Variants in ZFHX3 observed in about 807,000 individuals in gnomAD.
The protein encoded by ZFHX3 is zinc finger homeobox 3.
In ZFHX3, 42 loss-of-function variants were observed where a neutral mutation model predicts 279.1. The observed-to-expected ratio is 0.15, with a 90% confidence interval of 0.12 to 0.19. ZFHX3 has a LOEUF of 0.19. Among genes scored for constraint, ZFHX3 ranks in the 10% least tolerant of loss-of-function variants. The probability of loss-of-function intolerance (pLI) is 1.00; values close to 1 mark genes in which losing one functional copy is unlikely to be tolerated. For synonymous variants in ZFHX3, 2,293 were observed against 1,957.8 expected (o/e 1.17, Z -4.52); for missense variants, 4,981 against 4,754.0 (o/e 1.05, Z -1.40).
intron 7 of ZFHX3, among the ~76,000 whole-genome samples, chr16:73,123,927 A>T (rs1966529157): frequency 6.6e-6 from 1 of 152,160 alleles, no homozygotes; most frequent in Non-Finnish European, 1.5e-5. Flanking sequence ...CAGTACATTG[A>T]TCTTGGACTT....
intron 3 of ZFHX3, among the ~76,000 whole-genome samples, chr16:73,426,662 GA>G (rs981730972): frequency 1.1e-3 from 161 of 150,676 alleles, no homozygotes; most frequent in African/African-American, 3.8e-3. Context: ...AGGTTTGCAG[GA>G]AAAAAAAATA....
At chr16:73,780,430 G>A (rs1335738905) in intron 1 of ZFHX3, among the ~76,000 whole-genome samples, 1 of 150,518 alleles carries the variant, frequency 6.6e-6, no homozygotes, top group Non-Finnish European at 1.5e-5. Context: ...TTATAGGCAT[G>A]AGCCACCGTG....
chr16:73,641,098 G>A (rs988194950), intron 2 of ZFHX3, among the ~76,000 whole-genome samples: 1 of 152,140 alleles, frequency 6.6e-6, no homozygotes, highest in Non-Finnish European at 1.5e-5. Context: ...CCACAGTATC[G>A]ACCTAGTTTG....
chr16:72,999,543 G>A (rs2144591598), intron 1 of ZFHX3, among the ~76,000 whole-genome samples: 1 of 152,250 alleles, frequency 6.6e-6, no homozygotes, highest in Middle Eastern at 3.4e-3. Flanking sequence ...TGTCCACAGG[G>A]CATAAACTTT....
intron 5 of ZFHX3, among the ~76,000 whole-genome samples, chr16:72,827,913 C>G (rs894045760): frequency 6.6e-6 from 1 of 152,172 alleles, no homozygotes; most frequent in African/African-American, 2.4e-5. Context: ...CTGTGTCTCC[C>G]AGGAAACACT....
intron 1 of ZFHX3, among the ~76,000 whole-genome samples, chr16:73,730,352 C>CAAAAAAAAAAAAAAAAAAAAAAAAA (rs66477968): frequency 2.5e-5 from 2 of 81,158 alleles, no homozygotes; most frequent in African/African-American, 1.0e-4. Flanking sequence ...CCTCCCCTCG[C>CAAAAAAAAAAAAAAAAAAAAAAAAA]AAAAAAAAAA....
At chr16:73,783,283 G>C (rs112717050) in intron 1 of ZFHX3, among the ~76,000 whole-genome samples, 6 of 152,184 alleles carry the variant, frequency 3.9e-5, no homozygotes, top group Non-Finnish European at 8.8e-5. Context: ...TCAGAACTCC[G>C]TATGGGATCT....
chr16:72,850,181 A>G (rs1026818522), intron 4 of ZFHX3, among the ~76,000 whole-genome samples: 2 of 152,132 alleles, frequency 1.3e-5, no homozygotes, highest in Non-Finnish European at 1.5e-5. Context: ...CACCCTGGGG[A>G]AGCCTTCCTG....
At chr16:73,492,707 A>G (rs1406810656) in intron 2 of ZFHX3, among the ~76,000 whole-genome samples, 1 of 152,224 alleles carries the variant, frequency 6.6e-6, no homozygotes, top group Non-Finnish European at 1.5e-5. Context: ...TGGTTGCTCC[A>G]TATGTTTCAC....
intron 5 of ZFHX3, among the ~76,000 whole-genome samples, chr16:73,165,850 T>C (rs773829522): frequency 6.6e-6 from 1 of 152,048 alleles, no homozygotes; most frequent in Non-Finnish European, 1.5e-5. Context: ...AACAATGACA[T>C]GGATAGTAGA....
At chr16:73,675,743 G>A (rs561079609) in intron 2 of ZFHX3, among the ~76,000 whole-genome samples, 102 of 151,960 alleles carry the variant, frequency 6.7e-4, no homozygotes, top group African/African-American at 2.3e-3. Flanking sequence ...ACCTGGATCT[G>A]GCCAAAAATT....
rs796811883 is a variant in ZFHX3 at position 73,531,113 on chromosome 16, T to C, written c.-1546-74855A>G. Among the ~76,000 whole-genome samples, 7 of 152,348 alleles carry C rather than the reference T, an allele frequency of 4.6e-5. 1 individual carries two copies. Among genetic ancestry groups the C allele is most frequent in the African/African-American group, 1.7e-4 (7 of 41,590 alleles). Reference sequence around the variant, plus strand: ...TACCAGTTGCATGGCTTTTTAGAGATTCAAGATGTCTTGCCTTTCCTAATA... The same window carrying C: ...TACCAGTTGCATGGCTTTTTAGAGACTCAAGATGTCTTGCCTTTCCTAATA... On this transcript the variant is annotated intron_variant, in intron 2 of 17. Coordinates refer to the ZFHX3 transcript ENST00000641206.
At chr16:73,713,365 G>A (rs542181314) in intron 1 of ZFHX3, among the ~76,000 whole-genome samples, 2 of 152,142 alleles carry the variant, frequency 1.3e-5, no homozygotes, top group African/African-American at 4.8e-5. Flanking sequence ...AAGCCACCGT[G>A]GTCTTTCCCC....
intron 3 of ZFHX3, among the ~76,000 whole-genome samples, chr16:72,947,628 A>G (rs1020225825): frequency 6.6e-6 from 1 of 152,018 alleles, no homozygotes; most frequent in Non-Finnish European, 1.5e-5. Flanking sequence ...CATCACTGCC[A>G]CTTCACTAGG....
At chr16:73,429,345 T>G (rs2017869572) in intron 3 of ZFHX3, among the ~76,000 whole-genome samples, 1 of 152,110 alleles carries the variant, frequency 6.6e-6, no homozygotes, top group South Asian at 2.1e-4. Flanking sequence ...TATATATAAT[T>G]TTTATGAGAT....
chr16:72,994,795 A>C (rs1963220813), intron 1 of ZFHX3, among the ~76,000 whole-genome samples: 1 of 152,244 alleles, frequency 6.6e-6, no homozygotes, highest in Non-Finnish European at 1.5e-5. Context: ...AAAGAGGCAC[A>C]AGGGGCGGGG....
intron 3 of ZFHX3, among the ~76,000 whole-genome samples, chr16:73,364,375 TATA>T (rs1461165243): frequency 6.0e-5 from 9 of 149,582 alleles, no homozygotes; most frequent in East Asian, 1.9e-4. Flanking sequence ...ATTGTAATAT[TATA>T]ATAATAATAG....
intron 2 of ZFHX3, among the ~76,000 whole-genome samples, chr16:73,477,682 GC>G (rs1179869451): frequency 1.3e-5 from 2 of 152,184 alleles, no homozygotes; most frequent in Non-Finnish European, 2.9e-5. Flanking sequence ...TAGGGCAGCA[GC>G]AGTCACTTCT....
chr16:73,744,282 G>A (rs1049911046), intron 1 of ZFHX3, among the ~76,000 whole-genome samples: 2 of 152,314 alleles, frequency 1.3e-5, no homozygotes, highest in African/African-American at 4.8e-5. Context: ...GTGCACAGAT[G>A]GTGCTTGACA....
Sources: allele counts gnomAD v4.1 joint callset (sites outside exome capture counted in the v4.1 genomes callset), GRCh38; gene constraint gnomAD v4.1.1; transcripts MANE v1.5; gene names NCBI Gene and HGNC (gene_info 2026-07-23, HGNC 2026-07-21).